Variants in PIGB observed in about 807,000 individuals in gnomAD.
PIGB encodes the protein phosphatidylinositol glycan anchor biosynthesis class B.
Under a neutral mutation model 68.4 loss-of-function variants are expected in PIGB, and 58 were observed. The observed-to-expected ratio is 0.85, with a 90% confidence interval of 0.69 to 1.06. The LOEUF (loss-of-function observed/expected upper bound fraction) is 1.06, where lower values mean the gene tolerates loss of function less well. Ranked by LOEUF, PIGB falls within the 50% of genes least tolerant of loss-of-function variation. The pLI is 0.00. For synonymous variants in PIGB, 219 were observed against 220.5 expected, an observed-to-expected ratio of 0.99 and a Z score of 0.06; for missense variants, 634 against 655.8, an observed-to-expected ratio of 0.97 and a Z score of 0.36.
intron 5 of PIGB, among the ~76,000 whole-genome samples, chr15:55,331,667 C>T (rs1021305131): frequency 6.6e-6 from 1 of 151,822 alleles, no homozygotes; most frequent in African/African-American, 2.4e-5. Flanking sequence ...CAGTCGAGGT[C>T]ACACGATTGC....
At position 55,351,144 on chromosome 15, in the gene PIGB, A is replaced by G. The variant is rs373055665; in HGVS notation, c.1337+232A>G. Among the ~76,000 whole-genome samples, 102 of 128,880 alleles carry G rather than the reference A, an allele frequency of 7.9e-4. No homozygotes were observed. In the East Asian group the frequency reaches 9.5e-3, roughly 12 times the overall value. 84.6% of individuals were successfully genotyped at this position (128,880 alleles called of 152,430 possible). A position where few individuals can be genotyped will look rare whatever the true frequency, so the allele number is the denominator to read the frequency against. On this transcript the variant is annotated intron_variant, in intron 10 of 11. Transcript: ENST00000164305. ...TTTTTTTTGAGACGGAGTCTGTTCT[A>G]TTGCCCAGGCTGGAGTGCAGTGGCG...
At chr15:55,352,494 ATT>A (rs1439754236) in intron 10 of PIGB, among the ~76,000 whole-genome samples, 2 of 152,206 alleles carry the variant, frequency 1.3e-5, no homozygotes, top group African/African-American at 4.8e-5. Flanking sequence ...CCTACAGAAA[ATT>A]ATATACCAGG....
intron 3 of PIGB, among the ~76,000 whole-genome samples, chr15:55,325,743 C>T (rs1417794742): frequency 3.3e-5 from 5 of 152,036 alleles, no homozygotes; most frequent in Non-Finnish European, 7.4e-5. Context: ...GGTGAAACCT[C>T]GTCTCTACTA....
intron 5 of PIGB, 122 bp from the exon 6 acceptor site, chr15:55,333,745 C>T (rs1321475518): frequency 1.5e-6 from 1 of 667,014 alleles, no homozygotes; most frequent in Non-Finnish European, 2.3e-6. Context: ...CAAAACAAAA[C>T]AAAACAAAAA....
intron 7 of PIGB, 86 bp downstream of exon 7, chr15:55,339,404 A>C (rs773791888): frequency 2.0e-4 from 162 of 823,812 alleles, no homozygotes; most frequent in Non-Finnish European, 3.0e-4. Flanking sequence ...TTTTTAAATG[A>C]TATGGGATAC....
intron 9 of PIGB, among the ~76,000 whole-genome samples, chr15:55,342,639 G>T (rs71476719): frequency 1.3e-5 from 2 of 152,172 alleles, no homozygotes; most frequent in East Asian, 1.9e-4. Flanking sequence ...TGATCCACCC[G>T]CCTCAGCCTC....
chr15:55,334,270 A>G (rs1442536272), intron 6 of PIGB, among the ~76,000 whole-genome samples: 1 of 152,212 alleles, frequency 6.6e-6, no homozygotes, highest in Non-Finnish European at 1.5e-5. Context: ...TTTCTCACAT[A>G]TATTTTAGAG....
At chr15:55,328,395 T>A (rs532130906) in intron 4 of PIGB, among the ~76,000 whole-genome samples, 2 of 152,228 alleles carry the variant, frequency 1.3e-5, no homozygotes, top group African/African-American at 4.8e-5. Flanking sequence ...TTTTTTATAT[T>A]GTTTCTATTG....
intron 5 of PIGB, among the ~76,000 whole-genome samples, chr15:55,330,615 CT>C (rs1477027877): frequency 6.6e-6 from 1 of 152,102 alleles, no homozygotes; most frequent in African/African-American, 2.4e-5. Context: ...AGGGATGAGG[CT>C]GGAATGAGAC....
intron 6 of PIGB, among the ~76,000 whole-genome samples, chr15:55,334,501 C>G (rs1260641403): frequency 1.3e-5 from 2 of 152,022 alleles, no homozygotes; most frequent in African/African-American, 2.4e-5. Flanking sequence ...ACACTATGAG[C>G]TCCTAGGATG....
intron 6 of PIGB, among the ~76,000 whole-genome samples, chr15:55,338,325 G>A (rs2055584074): frequency 6.6e-6 from 1 of 152,142 alleles, no homozygotes; most frequent in Non-Finnish European, 1.5e-5. Flanking sequence ...GAAGGGATGG[G>A]ATATCACTTA....
At chr15:55,352,052 G>A (rs1385192646) in intron 10 of PIGB, among the ~76,000 whole-genome samples, 2 of 147,502 alleles carry the variant, frequency 1.4e-5, no homozygotes, top group African/African-American at 2.5e-5. Flanking sequence ...GGGTTCAAGC[G>A]ATTCTCCTGC....
In PIGB at chr15:55,355,292, A is replaced by G; in HGVS notation, c.1525A>G (p.Ser509Gly). The G allele has an allele frequency of 6.2e-7, 1 of 1,605,302 alleles. No homozygotes were observed. The highest frequency in any genetic ancestry group is 8.5e-7 in the Non-Finnish European group (1 of 1,174,952). The change falls in exon 12 of 12, where the codon AGC becomes GGC. Residue 509 changes from serine (S) to glycine (G), a missense_variant. Ser to Gly is a moderately conservative substitution (Grantham distance 56). Transcript: ENST00000164305. The stretch of plus-strand genomic sequence containing the variant: ...AACATTTATTTGCTTCTAGGAAATA[A>G]GCGCTTTCCTAATTTCAAGCAATTA... Reference protein sequence around the residue: ...ITFSILEEEISAFLISSNYKR... With the variant: ...ITFSILEEEIGAFLISSNYKR...
intron 10 of PIGB, 29 bp from the exon 11 acceptor site, chr15:55,354,766 TGTA>T: frequency 6.5e-7 from 1 of 1,535,638 alleles, no homozygotes; most frequent in East Asian, 2.3e-5. Context: ...ATGTTTTACT[TGTA>T]TTTATTATGG....
At chr15:55,346,629 A>G (rs1350587012) in intron 9 of PIGB, 2 of 152,216 alleles carry the variant, frequency 1.3e-5, no homozygotes, top group Admixed American at 6.5e-5. Flanking sequence ...ACTGGGGTAC[A>G]CACACAGTCT....
chr15:55,342,410 AGAC>A (rs1170802620), intron 9 of PIGB, among the ~76,000 whole-genome samples: 1 of 152,224 alleles, frequency 6.6e-6, no homozygotes, highest in African/African-American at 2.4e-5. Flanking sequence ...TTATCTTTTT[AGAC>A]AGAGTCTCAC....
chr15:55,336,865 C>G (rs1051200972), intron 6 of PIGB, among the ~76,000 whole-genome samples: 2 of 152,196 alleles, frequency 1.3e-5, no homozygotes. Context: ...TGGCACATGC[C>G]TATAATCCCA....
chr15:55,337,871 G>C (rs2141193623), intron 6 of PIGB, among the ~76,000 whole-genome samples: 1 of 152,124 alleles, frequency 6.6e-6, no homozygotes. Context: ...AAAAAAACTT[G>C]GTTCAATCTC....
In PIGB at chr15:55,329,923, T is replaced by C. The variant is rs1595777698; in HGVS notation, c.653+69T>C. ...TTGAAAAATCTTAAATATCAACATA[T>C]TGTAATGTCTAGTAGACCCCCTAAT... On this transcript the variant is annotated intron_variant, in intron 5 of 11. Coordinates refer to ENST00000164305, the MANE Select transcript of PIGB (RefSeq NM_004855.5). The C allele has an allele frequency of 5.1e-6, 6 of 1,173,916 alleles. No individual in the cohort carries two copies. In the East Asian group the frequency reaches 7.2e-5, roughly 14 times the overall value. 72.7% of individuals were successfully genotyped at this position (1,173,916 alleles called of 1,614,324 possible).
Sources: gnomAD v4.1 joint callset for allele counts (sites outside exome capture counted in the v4.1 genomes callset) on GRCh38, gnomAD v4.1.1 for gene constraint, MANE v1.5 for transcripts, NCBI Gene and HGNC (gene_info 2026-07-23, HGNC 2026-07-21) for gene names.